The following RFTN2 variants were observed in gnomAD, a reference collection of about 807,000 sequenced individuals.
RFTN2 encodes raftlin-2.
RFTN2 carries 34 observed loss-of-function variants against 52.7 expected under a neutral mutation model. The ratio of observed to expected loss-of-function variants is 0.64; its 90% confidence interval spans 0.49 to 0.86. RFTN2 has a LOEUF of 0.86. RFTN2 is among the 40% of genes least tolerant of loss of function. The probability of loss-of-function intolerance (pLI) is 0.00; values close to 1 mark genes in which losing one functional copy is unlikely to be tolerated. For synonymous variants in RFTN2, 203 were observed against 217.7 expected (o/e 0.93, Z 0.59); for missense variants, 536 against 600.1 (o/e 0.89, Z 1.12).
At chr2:197,603,091 G>A (rs746492083) in intron 7 of RFTN2, among the ~76,000 whole-genome samples, 1 of 152,182 alleles carries the variant, frequency 6.6e-6, no homozygotes, top group Non-Finnish European at 1.5e-5. Context: ...AGGGAGTGGG[G>A]AGAGATAGCA....
intron 8 of RFTN2, among the ~76,000 whole-genome samples, chr2:197,580,339 C>A (rs2087485858): frequency 2.0e-5 from 3 of 152,222 alleles, no homozygotes; most frequent in Non-Finnish European, 4.4e-5. Flanking sequence ...ACTCCTAAGC[C>A]ACAGTGGTCA....
chr2:197,630,781 G>A (rs1257672321), intron 5 of RFTN2, among the ~76,000 whole-genome samples: 1 of 152,142 alleles, frequency 6.6e-6, no homozygotes, highest in Non-Finnish European at 1.5e-5. Context: ...CAACCCAACA[G>A]TGAACATTTT....
intron 5 of RFTN2, 42 bp downstream of exon 5, chr2:197,630,969 T>C (rs202047623): frequency 5.1e-5 from 68 of 1,337,612 alleles, no homozygotes; most frequent in Non-Finnish European, 7.3e-5. Flanking sequence ...TGATACAAGT[T>C]CAAATTCCTC....
chr2:197,642,289 T>C (rs898855442), intron 3 of RFTN2, among the ~76,000 whole-genome samples: 2 of 152,248 alleles, frequency 1.3e-5, no homozygotes, highest in East Asian at 3.8e-4. Context: ...CTTTAGATTT[T>C]AGCTGTATGT....
At chr2:197,620,425 A>G (rs2106217672) in intron 5 of RFTN2, among the ~76,000 whole-genome samples, 1 of 152,300 alleles carries the variant, frequency 6.6e-6, no homozygotes, top group African/African-American at 2.4e-5. Flanking sequence ...GTTTTTGTGT[A>G]GCACAATGTC....
intron 7 of RFTN2, among the ~76,000 whole-genome samples, chr2:197,598,596 C>G (rs1055081115): frequency 3.3e-5 from 5 of 152,184 alleles, no homozygotes; most frequent in African/African-American, 4.8e-5. Flanking sequence ...TCTGAATGCA[C>G]TAAGATCTGA....
At chr2:197,624,340 C>T (rs2088317539) in intron 5 of RFTN2, among the ~76,000 whole-genome samples, 1 of 151,968 alleles carries the variant, frequency 6.6e-6, no homozygotes, top group Non-Finnish European at 1.5e-5. Flanking sequence ...TGACTCATGC[C>T]TGTAATCCCA....
chr2:197,647,816 C>G (rs2088774559), intron 1 of RFTN2, among the ~76,000 whole-genome samples: 1 of 152,084 alleles, frequency 6.6e-6, no homozygotes, highest in African/African-American at 2.4e-5. Context: ...TGAAGGATAG[C>G]AAATCTGTAG....
chr2:197,633,598 G>C, intron 4 of RFTN2, 120 bp downstream of exon 4: 1 of 803,936 alleles, frequency 1.2e-6, no homozygotes, highest in Non-Finnish European at 1.9e-6. Context: ...GTTTTTATTA[G>C]TTCATTTAGT....
At chr2:197,625,730 TCCCCTCCC>T (rs2088348234) in intron 5 of RFTN2, among the ~76,000 whole-genome samples, 1 of 110,594 alleles carries the variant, frequency 9.0e-6, no homozygotes, top group Non-Finnish European at 1.8e-5. Flanking sequence ...TCCCCTCCCT[TCCCCTCCC>T]CTCCTCTCCC....
At chr2:197,617,984 A>G in intron 5 of RFTN2, 63 bp from the exon 6 acceptor site, 1 of 1,312,512 alleles carries the variant, frequency 7.6e-7, no homozygotes, top group Non-Finnish European at 1.0e-6. Flanking sequence ...AAAACCATCT[A>G]AATCCTTAAA....
At chr2:197,582,626 G>A (rs2087527820) in intron 8 of RFTN2, among the ~76,000 whole-genome samples, 1 of 152,100 alleles carries the variant, frequency 6.6e-6, no homozygotes, top group Admixed American at 6.6e-5. Context: ...TCTTGCAAAG[G>A]GACAATGCAT....
At chr2:197,650,500 G>A (rs2088811265) in intron 1 of RFTN2, among the ~76,000 whole-genome samples, 1 of 152,166 alleles carries the variant, frequency 6.6e-6, no homozygotes, top group South Asian at 2.1e-4. Flanking sequence ...CTAAGAATAA[G>A]GGATGTGCCT....
At chr2:197,573,672 G>A (rs545737231) in intron 8 of RFTN2, among the ~76,000 whole-genome samples, 1 of 152,344 alleles carries the variant, frequency 6.6e-6, no homozygotes, top group Non-Finnish European at 1.5e-5. Context: ...TAATTGCCAA[G>A]GCAATGGAGA....
intron 5 of RFTN2, among the ~76,000 whole-genome samples, chr2:197,624,388 G>A (rs374842484): frequency 1.7e-3 from 255 of 147,768 alleles, no homozygotes; most frequent in Middle Eastern, 4.1e-3. Flanking sequence ...TCACAAGGTC[G>A]GGAGATGGAG....
chr2:197,586,770 C>T (rs575533640), intron 8 of RFTN2, among the ~76,000 whole-genome samples: 1 of 152,182 alleles, frequency 6.6e-6, no homozygotes, highest in African/African-American at 2.4e-5. Flanking sequence ...TTTATCAGTC[C>T]TTCAGGCCCA....
chr2:197,597,400 G>A (rs1293643220), intron 7 of RFTN2, among the ~76,000 whole-genome samples: 1 of 152,200 alleles, frequency 6.6e-6, no homozygotes, highest in Non-Finnish European at 1.5e-5. Context: ...CATGAAGTGT[G>A]CTGGAAAAAG....
At chr2:197,598,025 C>A (rs1482255564) in intron 7 of RFTN2, among the ~76,000 whole-genome samples, 2 of 152,140 alleles carry the variant, frequency 1.3e-5, no homozygotes, top group African/African-American at 4.8e-5. Flanking sequence ...AGAGCAAATT[C>A]AAGGGACAGC....
chr2:197,627,542 T>C (rs1197809477), intron 5 of RFTN2, among the ~76,000 whole-genome samples: 1 of 152,194 alleles, frequency 6.6e-6, no homozygotes, highest in African/African-American at 2.4e-5. Context: ...GTGCTACCTC[T>C]CCTCTACTAG....
Sources: allele counts gnomAD v4.1 joint callset (sites outside exome capture counted in the v4.1 genomes callset), GRCh38; gene constraint gnomAD v4.1.1; transcripts MANE v1.5; gene names NCBI Gene and HGNC (gene_info 2026-07-23, HGNC 2026-07-21).